The following TRPC5 variants were observed in gnomAD, a reference collection of about 807,000 sequenced individuals.
The protein encoded by TRPC5 is transient receptor potential cation channel subfamily C member 5.
TRPC5 carries 9 observed loss-of-function variants against 56.5 expected under a neutral mutation model. That is an observed-to-expected ratio of 0.16 (90% CI 0.10 to 0.28). The LOEUF (loss-of-function observed/expected upper bound fraction) is 0.28. Ranked by LOEUF, TRPC5 falls within the 10% of genes least tolerant of loss-of-function variation. The pLI is 1.00. For synonymous variants in TRPC5, 282 were observed against 278.5 expected, an observed-to-expected ratio of 1.01 and a Z score of -0.13; for missense variants, 469 against 748.9, an observed-to-expected ratio of 0.63 and a Z score of 4.36.
intron 1 of TRPC5, among the ~76,000 whole-genome samples, chrX:112,071,417 G>T (rs1930717225): frequency 8.9e-6 from 1 of 111,952 alleles, no homozygotes. Context: ...AGCATTTGGT[G>T]ACTTTTTCAA....
intron 2 of TRPC5, among the ~76,000 whole-genome samples, chrX:111,944,297 T>A (rs866060438): frequency 3.4e-5 from 3 of 87,650 alleles, no homozygotes; most frequent in Admixed American, 1.2e-4. Flanking sequence ...TGTGTGTGTG[T>A]GTGTGTGAGA....
intron 1 of TRPC5, among the ~76,000 whole-genome samples, chrX:111,958,138 G>A (rs148367634): frequency 0.046 from 5,113 of 111,154 alleles, 110 homozygotes; most frequent in Non-Finnish European, 0.066. Context: ...ATCACATAGG[G>A]GTCCTTACAC....
chrX:111,940,690 A>T (rs1926752075), intron 2 of TRPC5, among the ~76,000 whole-genome samples: 1 of 85,780 alleles, frequency 1.2e-5, no homozygotes, highest in Non-Finnish European at 2.5e-5. Context: ...GACTACGTCT[A>T]AAAAAAAAAA....
intron 1 of TRPC5, among the ~76,000 whole-genome samples, chrX:111,976,837 C>T (rs1030221611): frequency 1.3e-4 from 14 of 108,249 alleles, no homozygotes; most frequent in African/African-American, 4.4e-4. Context: ...TTCTATACAC[C>T]AACAATGACC....
chrX:112,079,591 G>T (rs1414391852), intron 1 of TRPC5, among the ~76,000 whole-genome samples: 1 of 111,891 alleles, frequency 8.9e-6, no homozygotes, highest in Non-Finnish European at 1.9e-5. Context: ...AAACATCTTC[G>T]GTTCTCTCAT....
chrX:111,822,832 T>G (rs1922074881), intron 7 of TRPC5, among the ~76,000 whole-genome samples: 1 of 111,700 alleles, frequency 9.0e-6, no homozygotes, highest in South Asian at 3.8e-4. Context: ...ACTGGAACCT[T>G]TCTGTCACTG....
At chrX:111,812,113 TG>T (rs1921727051) in intron 7 of TRPC5, among the ~76,000 whole-genome samples, 1 of 86,836 alleles carries the variant, frequency 1.2e-5, no homozygotes, top group Non-Finnish European at 1.9e-5. Flanking sequence ...GAAATGCCGG[TG>T]GTTTTTTTTT....
chrX:111,910,350 G>A (rs977978426), intron 3 of TRPC5, among the ~76,000 whole-genome samples: 4 of 106,628 alleles, frequency 3.8e-5, no homozygotes, highest in African/African-American at 1.4e-4. Flanking sequence ...GTGTAGATAC[G>A]GCAGACTGCT....
chrX:112,009,909 T>C (rs147045543), intron 1 of TRPC5, among the ~76,000 whole-genome samples: 2,755 of 111,217 alleles, frequency 0.025, 35 homozygotes, highest in Middle Eastern at 0.051. Context: ...GACGAGTTAA[T>C]GGGTGCAGCA....
In TRPC5 at chrX:112,070,506, G is replaced by A. The variant is rs546492986; in HGVS notation, c.-22+11373C>T. ...AAAAGCTTGTCTCCAACCTTATAGA[G>A]GAAAGAGTCTTTGAGATATGAATCT... On this transcript the variant is annotated intron_variant, in intron 1 of 10. Transcript: ENST00000262839. Among the ~76,000 whole-genome samples the A allele has an allele frequency of 5.9e-4, 66 of 111,164 alleles. 2 individuals are homozygous for A. The South Asian group carries it at 0.024, about 41-fold the overall frequency.
intron 1 of TRPC5, among the ~76,000 whole-genome samples, chrX:112,039,442 C>G (rs1929837780): frequency 9.0e-6 from 1 of 111,593 alleles, no homozygotes. Context: ...GTTGCCACTC[C>G]TTTTGTTTTT....
chrX:111,842,201 C>T (rs1922777731), intron 6 of TRPC5, among the ~76,000 whole-genome samples: 1 of 100,492 alleles, frequency 1.0e-5, no homozygotes, highest in Non-Finnish European at 2.0e-5. Flanking sequence ...GAAATGGAGC[C>T]ATCTTGGCTC....
At chrX:112,012,712 G>A (rs745903036) in intron 1 of TRPC5, among the ~76,000 whole-genome samples, 50 of 111,790 alleles carry the variant, frequency 4.5e-4, no homozygotes, top group African/African-American at 1.4e-3. Context: ...TCTTTCCATC[G>A]CCCTAGCTCT....
At chrX:111,912,181 C>T (rs977619282) in intron 3 of TRPC5, 110 bp downstream of exon 3, 20 of 933,360 alleles carry the variant, frequency 2.1e-5, no homozygotes, top group Non-Finnish European at 2.9e-5. Flanking sequence ...GCCTGCCCAA[C>T]CATTTGTTTG....
At chrX:112,034,953 G>T (rs1602404002) in intron 1 of TRPC5, among the ~76,000 whole-genome samples, 1 of 103,909 alleles carries the variant, frequency 9.6e-6, no homozygotes, top group Non-Finnish European at 2.0e-5. Flanking sequence ...TTATTTTTAT[G>T]TCCTTAATTT....
chrX:112,041,260 A>C (rs775016902), intron 1 of TRPC5, among the ~76,000 whole-genome samples: 29 of 112,286 alleles, frequency 2.6e-4, no homozygotes, highest in African/African-American at 9.1e-4. Flanking sequence ...GCACAAGAGC[A>C]TAAGTGATGT....
At chrX:111,784,038 T>C (rs1002117784) in intron 7 of TRPC5, among the ~76,000 whole-genome samples, 2 of 111,987 alleles carry the variant, frequency 1.8e-5, no homozygotes, top group African/African-American at 6.5e-5. Context: ...CATTTCTCCA[T>C]TGAACTGCTT....
chrX:112,060,381 C>T (rs1930433325), intron 1 of TRPC5, among the ~76,000 whole-genome samples: 1 of 112,211 alleles, frequency 8.9e-6, no homozygotes, highest in Admixed American at 9.4e-5. Flanking sequence ...AGATATTTCC[C>T]TCACAAAATA....
intron 3 of TRPC5, among the ~76,000 whole-genome samples, chrX:111,875,575 T>TC (rs1333678888): frequency 1.0e-5 from 1 of 99,506 alleles, no homozygotes; most frequent in East Asian, 3.0e-4. Context: ...TTTCTTTCTT[T>TC]TTTTTTTTTT....
Sources: gnomAD v4.1 joint callset for allele counts (sites outside exome capture counted in the v4.1 genomes callset) on GRCh38, gnomAD v4.1.1 for gene constraint, MANE v1.5 for transcripts, NCBI Gene and HGNC (gene_info 2026-07-23, HGNC 2026-07-21) for gene names.